The following PNPLA1 variants were observed in gnomAD, a reference collection of about 807,000 sequenced individuals.
PNPLA1 encodes omega-hydroxyceramide transacylase.
Under a neutral mutation model 51.7 loss-of-function variants are expected in PNPLA1, and 36 were observed. That is an observed-to-expected ratio of 0.70 (90% CI 0.53 to 0.92). PNPLA1 has a LOEUF of 0.92. PNPLA1 is among the 40% of genes least tolerant of loss of function. The pLI, the probability that PNPLA1 is intolerant of heterozygous loss-of-function variation, is 0.00. For missense variants in PNPLA1, 658 were observed against 682.5 expected (o/e 0.96, Z 0.40); for synonymous variants, 293 against 280.1 (o/e 1.05, Z -0.46).
chr6:36,306,036 T>C (rs1771222793), intron 6 of PNPLA1, among the ~76,000 whole-genome samples: 1 of 152,182 alleles, frequency 6.6e-6, no homozygotes, highest in Non-Finnish European at 1.5e-5. Flanking sequence ...ATTACAGGCA[T>C]GAGCCACCGG....
At chr6:36,271,810 G>T (rs1214045877) in intron 1 of PNPLA1, among the ~76,000 whole-genome samples, 1 of 152,238 alleles carries the variant, frequency 6.6e-6, no homozygotes. Flanking sequence ...AAGGGAGGGG[G>T]AGCACAGACG....
At chr6:36,282,141 G>GGAAAGAA (rs1561859515) in intron 1 of PNPLA1, among the ~76,000 whole-genome samples, 16 of 145,714 alleles carry the variant, frequency 1.1e-4, no homozygotes, top group African/African-American at 3.9e-4. Context: ...AGGAAGGAAA[G>GGAAAGAA]AGAGACAGAG....
At chr6:36,269,939 G>A (rs1162333761), upstream of PNPLA1, among the ~76,000 whole-genome samples, 4 of 152,192 alleles carry the variant, frequency 2.6e-5, no homozygotes, top group East Asian at 1.9e-4. Flanking sequence ...GGAGGGAGGC[G>A]GGCTTGGAAG....
chr6:36,278,310 A>G (rs1394379242), intron 1 of PNPLA1, among the ~76,000 whole-genome samples: 1 of 152,162 alleles, frequency 6.6e-6, no homozygotes, highest in Admixed American at 6.5e-5. Flanking sequence ...TTTGCTGGCT[A>G]TTGGCCAGTG....
upstream of PNPLA1, among the ~76,000 whole-genome samples, chr6:36,269,483 TG>T (rs1283188771): frequency 1.3e-4 from 20 of 152,052 alleles, no homozygotes; most frequent in African/African-American, 4.8e-4. Context: ...TGCTCCTCCT[TG>T]GGGTTAAACA....
chr6:36,287,925 G>T (rs1054181099), intron 1 of PNPLA1, among the ~76,000 whole-genome samples: 2 of 152,194 alleles, frequency 1.3e-5, no homozygotes, highest in Non-Finnish European at 2.9e-5. Context: ...TACATGACTG[G>T]CTAGAGCATT....
At chr6:36,272,771 C>T (rs1044066598) in intron 1 of PNPLA1, among the ~76,000 whole-genome samples, 3 of 152,178 alleles carry the variant, frequency 2.0e-5, no homozygotes, top group African/African-American at 7.2e-5. Flanking sequence ...CCAGCCCAAG[C>T]AGGGTGCCTT....
chr6:36,265,223 C>T (rs183370400), upstream of PNPLA1, among the ~76,000 whole-genome samples: 35 of 152,294 alleles, frequency 2.3e-4, no homozygotes, highest in Non-Finnish European at 4.1e-4. Context: ...TACCTGTAAT[C>T]CCAGCTACTT....
intron 5 of PNPLA1, among the ~76,000 whole-genome samples, chr6:36,301,121 C>G (rs550317127): frequency 6.8e-5 from 9 of 132,156 alleles, no homozygotes; most frequent in Non-Finnish European, 9.7e-5. Context: ...CCCGCCCCCC[C>G]ACCCACCCAC....
At chr6:36,279,104 G>A (rs1387287195) in intron 1 of PNPLA1, among the ~76,000 whole-genome samples, 3 of 152,228 alleles carry the variant, frequency 2.0e-5, no homozygotes, top group South Asian at 2.1e-4. Context: ...GTTGCCCCCC[G>A]GTGAAAACAT....
chr6:36,304,629 GAAAAAA>G (rs539155104), intron 6 of PNPLA1, among the ~76,000 whole-genome samples: 4 of 71,946 alleles, frequency 5.6e-5, no homozygotes, highest in Admixed American at 4.9e-4. Context: ...TCCGTCTCAG[GAAAAAA>G]AAAAAAAAAA....
chr6:36,306,208 C>T, intron 6 of PNPLA1, 84 bp from the exon 7 acceptor site: 1 of 994,700 alleles, frequency 1.0e-6, no homozygotes, highest in Non-Finnish European at 1.5e-6. Flanking sequence ...TAAACATTCT[C>T]ATTTACTGAC....
At chr6:36,306,246 T>TC (rs755243278) in intron 6 of PNPLA1, 46 bp from the exon 7 acceptor site, 3 of 1,432,188 alleles carry the variant, frequency 2.1e-6, no homozygotes, top group East Asian at 2.3e-5. Flanking sequence ...TGACTCCATA[T>TC]CCCCCCTCCC....
intron 1 of PNPLA1, among the ~76,000 whole-genome samples, chr6:36,273,662 G>A (rs1263822734): frequency 7.2e-6 from 1 of 139,562 alleles, no homozygotes; most frequent in Non-Finnish European, 1.5e-5. Flanking sequence ...AGAGGCCAAG[G>A]CAGGAAGATT....
intron 7 of PNPLA1, 21 bp downstream of exon 7, chr6:36,306,397 G>T: frequency 6.3e-7 from 1 of 1,594,282 alleles, no homozygotes; most frequent in South Asian, 1.1e-5. Flanking sequence ...CCTTCGTGGA[G>T]CACGCTCTTT....
chr6:36,294,023 A>G lies in PNPLA1; in HGVS notation c.505-167A>G, dbSNP rs201350360. 17 of 740,838 alleles carry G rather than the reference A, an allele frequency of 2.3e-5. No homozygotes were observed. The East Asian group carries it at 4.6e-4, about 20-fold the overall frequency. 45.9% of individuals were successfully genotyped at this position (740,838 alleles called of 1,614,324 possible). On this transcript the variant is annotated intron_variant, in intron 3 of 8. Coordinates refer to ENST00000636260, the MANE Select transcript of PNPLA1 (RefSeq NM_001374623.1). This position sits in a 1 kb window ranked among gnomAD's most constrained non-coding sequence, Gnocchi z 4.2. Reference sequence around the variant, plus strand: ...CTCACTAAGTGACCAGGGGCACACCACGCACCCACCAGGACCTCCGTCTCC... The same window carrying G: ...CTCACTAAGTGACCAGGGGCACACCGCGCACCCACCAGGACCTCCGTCTCC...
Position 36,297,816 on chromosome 6 carries a change from C to T in PNPLA1, c.775+2392C>T, listed in dbSNP as rs184548704. On this transcript the variant is annotated intron_variant, in intron 5 of 8. Coordinates refer to ENST00000636260, the MANE Select transcript of PNPLA1 (RefSeq NM_001374623.1). ...CAAACCTCTCTTCCGCCCTCCTCCC[C>T]CACTCCCTTCTTCCCTCTCACAGTT... 3.0e-3 allele frequency among the ~76,000 whole-genome samples: 459 copies of T among 152,156 alleles called. 2 individuals carry two copies. The highest frequency in any genetic ancestry group is 0.01 in the African/African-American group (431 of 41,496).
In PNPLA1 at chr6:36,294,441, G is replaced by C. The variant is rs771500824; in HGVS notation, c.714+42G>C. On this transcript the variant is annotated intron_variant, in intron 4 of 8. Coordinates refer to ENST00000636260, the MANE Select transcript of PNPLA1 (RefSeq NM_001374623.1). This position sits in a 1 kb window ranked among gnomAD's most constrained non-coding sequence, Gnocchi z 4.2. The stretch of plus-strand genomic sequence containing the variant: ...GTCTGGGGAGTAGCAGAAGGTACCA[G>C]GGACTAGGGGTGGGGTTAGAGAGCC... 6.3e-7 allele frequency: 1 copy of C among 1,579,338 alleles called. No homozygotes were observed. The highest frequency in any genetic ancestry group is 8.7e-7 in the Non-Finnish European group (1 of 1,151,980).
intron 1 of PNPLA1, among the ~76,000 whole-genome samples, chr6:36,253,917 C>T (rs1769475317): frequency 6.6e-6 from 1 of 152,180 alleles, no homozygotes. Context: ...GTATTCTCCC[C>T]GTGTGAGCTT....
Sources: gnomAD v4.1 joint callset for allele counts (sites outside exome capture counted in the v4.1 genomes callset) on GRCh38, gnomAD v4.1.1 for gene constraint, Gnocchi (gnomAD v3.1) non-coding constraint, MANE v1.5 for transcripts, NCBI Gene and HGNC (gene_info 2026-07-23, HGNC 2026-07-21) for gene names.